SLC12A5: variants seen among roughly 807,000 people sequenced by gnomAD.
SLC12A5 encodes the protein K-Cl cotransporter 2.
In SLC12A5, 18 loss-of-function variants were observed where a neutral mutation model predicts 124.0. The ratio of observed to expected loss-of-function variants is 0.15; its 90% CI spans 0.10 to 0.22. SLC12A5 has a LOEUF of 0.22. Among genes scored for constraint, SLC12A5 ranks in the 10% least tolerant of loss-of-function variants. SLC12A5 has a pLI of 1.00. For missense variants in SLC12A5, 867 were observed against 1,478.7 expected, an observed-to-expected ratio of 0.59 and a Z score of 6.78; for synonymous variants, 589 against 568.0, an observed-to-expected ratio of 1.04 and a Z score of -0.53.
At position 46,046,374 on chromosome 20, in the gene SLC12A5, C is replaced by T. The variant is rs780184051; in HGVS notation, c.1725C>T (p.Ala575=). 3 of 1,614,132 alleles carry T rather than the reference C, an allele frequency of 1.9e-6. No homozygotes were observed. The highest frequency in any genetic ancestry group is 2.2e-5 in the East Asian group (1 of 44,886). The change falls in exon 14 of 26, where the codon GCC becomes GCT. Residue 575 remains alanine, a synonymous_variant. Coordinates refer to ENST00000243964, the MANE Select transcript of SLC12A5 (RefSeq NM_020708.5). The part of the protein sequence containing the change: ...FLMCYMFVNL[A]CAVQTLLRTP... Reference sequence around the variant, plus strand: ...TGTGCTACATGTTTGTGAATCTGGCCTGTGCAGTGCAGACGCTGCTGAGGA... The same window carrying T: ...TGTGCTACATGTTTGTGAATCTGGCTTGTGCAGTGCAGACGCTGCTGAGGA...
rs376259780 is a variant in SLC12A5 at position 46,047,470 on chromosome 20, G to A, written c.1804G>A (p.Gly602Ser). ...CTTGTCTAGGACCCTCTCCTTCCTG[G>A]GCATGAGCCTCTGCCTGGCCCTCAT... is the stretch of plus-strand genomic sequence containing the variant. ...RYYHWTLSFLGMSLCLALMFI... is the reference protein window; with the variant it reads ...RYYHWTLSFLSMSLCLALMFI... The change falls in exon 15 of 26, where the codon GGC becomes AGC. Residue 602 changes from glycine to serine, a missense_variant. Around this residue, in one of 9 missense-constraint regions of SLC12A5, gnomAD observed 152 missense variants for 358.7 expected, o/e 0.42. Coordinates refer to ENST00000243964, the MANE Select transcript of SLC12A5 (RefSeq NM_020708.5). 1 of 1,613,922 alleles carries A rather than the reference G, an allele frequency of 6.2e-7. No homozygotes were observed. Among genetic ancestry groups the A allele is most frequent in the African/African-American group, 1.3e-5 (1 of 74,914 alleles).
chr20:46,025,367 C>T (rs529927876), upstream of SLC12A5, among the ~76,000 whole-genome samples: 2 of 152,260 alleles, frequency 1.3e-5, no homozygotes, highest in South Asian at 2.1e-4. Context: ...CCTCACTGCC[C>T]GGTACCTCAG....
At chr20:46,029,195 T>A (rs775193440), upstream of SLC12A5, 11 of 1,440,652 alleles carry the variant, frequency 7.6e-6, no homozygotes, top group Non-Finnish European at 1.0e-5. Flanking sequence ...TGCGAGTGTG[T>A]GTGCGCCGGG....
chr20:46,035,288 C>T, intron 2 of SLC12A5, 116 bp from the exon 3 acceptor site: 2 of 1,354,516 alleles, frequency 1.5e-6, no homozygotes, highest in South Asian at 2.7e-5. Flanking sequence ...TTTCCCATCT[C>T]ATCCCAACCT....
chr20:46,043,785 C>T, intron 10 of SLC12A5, 54 bp downstream of exon 10: 1 of 1,612,602 alleles, frequency 6.2e-7, no homozygotes, highest in Non-Finnish European at 8.5e-7. Context: ...AGAGGGAGGG[C>T]AGCTGAACTT....
In SLC12A5 at chr20:46,040,559, A is replaced by G; in HGVS notation, c.799A>G (p.Ile267Val). 1 of 1,614,082 alleles carries G rather than the reference A, an allele frequency of 6.2e-7. No homozygotes were observed. The highest frequency in any genetic ancestry group is 8.5e-7 in the Non-Finnish European group (1 of 1,180,032). The change falls in exon 7 of 26, where the codon ATC becomes GTC. Residue 267 changes from isoleucine (I) to valine (V), a missense_variant. Transcript: ENST00000243964. ...CTTCCTGGGTTGTGTCATCCTCTCC[A>G]TCCTGGCCATCTATGCTGGGGTCAT... The part of the protein sequence containing the change: ...LVFLGCVILS[I>V]LAIYAGVIKS...
intron 5 of SLC12A5, 135 bp from the exon 6 acceptor site, chr20:46,037,120 C>T: frequency 4.5e-6 from 6 of 1,327,884 alleles, no homozygotes; most frequent in Non-Finnish European, 3.1e-6. Flanking sequence ...TCACCAGTCC[C>T]CTTTCTAGGG....
intron 1 of SLC12A5, among the ~76,000 whole-genome samples, chr20:46,022,440 G>A (rs1309854420): frequency 6.6e-6 from 1 of 150,532 alleles, no homozygotes; most frequent in Non-Finnish European, 1.5e-5. Context: ...AGGGCGGGAG[G>A]AAAACTGAGT....
intron 18 of SLC12A5, among the ~76,000 whole-genome samples, 178 bp from the exon 19 acceptor site, chr20:46,052,779 C>A (rs557877667): frequency 6.6e-6 from 1 of 152,320 alleles, no homozygotes; most frequent in East Asian, 1.9e-4. Context: ...TAGATCTAAA[C>A]AATAAATATA....
intron 7 of SLC12A5, 76 bp downstream of exon 7, chr20:46,040,690 C>T (rs1004077715): frequency 6.4e-7 from 1 of 1,570,108 alleles, no homozygotes; most frequent in Non-Finnish European, 8.7e-7. Flanking sequence ...CTGCCAAACT[C>T]CCCCTCCCTG....
rs748447098 is a variant in SLC12A5, at chr20:46,057,330, A to G, written c.3259+27A>G. 5.6e-6 allele frequency: 9 copies of G among 1,613,462 alleles called. No individual in the cohort carries two copies. In the Admixed American group the frequency reaches 1.3e-4, roughly 24 times the overall value. The stretch of plus-strand genomic sequence containing the variant: ...TATCCTGGAATTAAAATTGGGGGAA[A>G]GAGGGAGGTGGACGTCAGGGAATCT... On this transcript the variant is annotated intron_variant, in intron 25 of 25. Coordinates refer to ENST00000243964, the MANE Select transcript of SLC12A5 (RefSeq NM_020708.5). The surrounding 1 kb of genome is among the most constrained non-coding windows in gnomAD (Gnocchi z 7.1).
In SLC12A5 at chr20:46,035,505, C is replaced by T; in HGVS notation, c.249C>T (p.Asn83=). 1 of 1,609,816 alleles carries T rather than the reference C, an allele frequency of 6.2e-7. No homozygotes were observed. Among genetic ancestry groups the T allele is most frequent in the East Asian group, 2.2e-5 (1 of 44,754 alleles). Residue 83 remains asparagine, a synonymous_variant, in exon 3 of 26, where the codon AAC becomes AAT. Coordinates refer to ENST00000243964, the MANE Select transcript of SLC12A5 (RefSeq NM_020708.5). ...QGSREHEEAE[N]NEGGKKKPVQ... ...GTAGGGAGCATGAAGAGGCAGAAAACAATGAGGGTGGAAAAAAGAAGCCGG... is the reference window on the plus strand; with the variant it reads ...GTAGGGAGCATGAAGAGGCAGAAAATAATGAGGGTGGAAAAAAGAAGCCGG...
rs199857096 is a variant in SLC12A5, at chr20:46,043,845, C to G, written c.1337-31C>G. The G allele has an allele frequency of 1.9e-6, 3 of 1,613,688 alleles. No homozygotes were observed. The African/African-American group carries it at 4.0e-5, about 22-fold the overall frequency. On this transcript the variant is annotated intron_variant, in intron 10 of 25. Transcript: ENST00000243964. ...AGGGTGGGGAGGGGGAGGACTGAAC[C>G]GTGGGGATTCTCCTTTATCCTCTGC...
At chr20:46,052,339 T>A (rs1407358844) in intron 18 of SLC12A5, among the ~76,000 whole-genome samples, 1 of 152,246 alleles carries the variant, frequency 6.6e-6, no homozygotes, top group East Asian at 1.9e-4. Context: ...CTCTCATCAG[T>A]CCTAGGAGGG....
At position 46,057,523 on chromosome 20, in the gene SLC12A5, T is replaced by C; in HGVS notation, c.3269T>C (p.Phe1090Ser). 1 of 1,614,044 alleles carries C rather than the reference T, an allele frequency of 6.2e-7. No homozygotes were observed. Among genetic ancestry groups the C allele is most frequent in the Non-Finnish European group, 8.5e-7 (1 of 1,179,994 alleles). The change falls in exon 26 of 26, where the codon TTT becomes TCT. Residue 1090 changes from phenylalanine (F) to serine (S), a missense_variant. By Grantham distance (155) the Phe-to-Ser change is radical. Transcript: ENST00000243964. The surrounding 1 kb of genome is among the most constrained non-coding windows in gnomAD (Gnocchi z 7.1). ...CTTGACCGGCTCTCAGACATGGAGT[T>C]TCTCGAGGTCCTCACAGAGCACCTG... is the stretch of plus-strand genomic sequence containing the variant. ...NRNGDENYME[F>S]LEVLTEHLDR...
intron 16 of SLC12A5, among the ~76,000 whole-genome samples, chr20:46,049,300 C>T (rs554986732): frequency 3.3e-5 from 5 of 152,032 alleles, no homozygotes; most frequent in African/African-American, 9.7e-5. Context: ...AAGCATGAAT[C>T]GATGGATGTA....
In SLC12A5 at chr20:46,053,160, G is replaced by A. The variant is rs1324816169; in HGVS notation, c.2547+34G>A. 1 of 1,590,158 alleles carries A rather than the reference G, an allele frequency of 6.3e-7. No individual in the cohort carries two copies. Among genetic ancestry groups the A allele is most frequent in the Non-Finnish European group, 8.6e-7 (1 of 1,160,764 alleles). On this transcript the variant is annotated intron_variant, in intron 19 of 25. Coordinates refer to ENST00000243964, the MANE Select transcript of SLC12A5 (RefSeq NM_020708.5). This position sits in a 1 kb window ranked among gnomAD's most constrained non-coding sequence, Gnocchi z 4.7. The stretch of plus-strand genomic sequence containing the variant: ...TGTGCGTGAGTGTATGCACGTGTGA[G>A]TGTGTGTATGCATGTATGCATTTGT...
Position 46,021,981 on chromosome 20 carries a change from C to CTAAGGGGT in SLC12A5, c.48+95_48+96insTAAGGGGT. The CTAAGGGGT allele has an allele frequency of 6.7e-6, 7 of 1,047,632 alleles. No homozygotes were observed. In the South Asian group the frequency reaches 9.0e-5, roughly 13 times the overall value. 64.9% of individuals were successfully genotyped at this position (1,047,632 alleles called of 1,614,324 possible). On this transcript the variant is annotated intron_variant, in intron 1 of 2. Transcript: ENST00000413737. ...CTGTTGAAGGGGGCAGGGCCAAGAC[C>CTAAGGGGT]GGGGGCGGGGAGGGGTCCCAGCCCT...
intron 9 of SLC12A5, 128 bp from the exon 10 acceptor site, chr20:46,043,505 T>A (rs1600597369): frequency 8.4e-7 from 1 of 1,186,254 alleles, no homozygotes; most frequent in East Asian, 2.4e-5. Context: ...ATGTCCAAGG[T>A]CTCACACAAG....
Sources: gnomAD v4.1 joint callset for allele counts (sites outside exome capture counted in the v4.1 genomes callset) on GRCh38, gnomAD v4.1.1 for gene constraint, gnomAD v4.1.1 regional missense constraint, Gnocchi (gnomAD v3.1) non-coding constraint, MANE v1.5 for transcripts, NCBI Gene and HGNC (gene_info 2026-07-23, HGNC 2026-07-21) for gene names.